The following ZSWIM6 variants were observed in gnomAD, a reference collection of about 807,000 sequenced individuals.
The protein encoded by ZSWIM6 is zinc finger SWIM domain-containing protein 6.
Under a neutral mutation model 113.2 loss-of-function variants are expected in ZSWIM6, and 9 were observed. The observed-to-expected ratio is 0.08, with a 90% confidence interval of 0.05 to 0.14. The LOEUF (loss-of-function observed/expected upper bound fraction) is 0.14, where lower values mean the gene tolerates loss of function less well. Ranked by LOEUF, ZSWIM6 falls within the 10% of genes least tolerant of loss-of-function variation. The probability of loss-of-function intolerance (pLI) is 1.00; values close to 1 mark genes in which losing one functional copy is unlikely to be tolerated. For missense variants in ZSWIM6, 1,162 were observed against 1,552.2 expected, an observed-to-expected ratio of 0.75 and a Z score of 4.22; for synonymous variants, 611 against 606.5, an observed-to-expected ratio of 1.01 and a Z score of -0.11.
intron 4 of ZSWIM6, among the ~76,000 whole-genome samples, chr5:61,513,240 A>G (rs1317144198): frequency 6.6e-6 from 1 of 151,968 alleles, no homozygotes; most frequent in Non-Finnish European, 1.5e-5. Context: ...GCCTTTTCAG[A>G]TTGGATCACT....
chr5:61,494,228 C>T (rs1384616232), intron 3 of ZSWIM6, 32 bp from the exon 4 acceptor site: 2 of 1,542,494 alleles, frequency 1.3e-6, no homozygotes, highest in South Asian at 1.2e-5. Flanking sequence ...TCGTTTTGAA[C>T]AATTTTCTAA....
intron 1 of ZSWIM6, among the ~76,000 whole-genome samples, chr5:61,399,276 G>GA (rs1356017391): frequency 7.6e-6 from 1 of 131,432 alleles, no homozygotes; most frequent in Non-Finnish European, 1.6e-5. Flanking sequence ...TCTATTATTT[G>GA]AAAAATGTGT....
intron 1 of ZSWIM6, among the ~76,000 whole-genome samples, chr5:61,448,739 AG>A (rs1311173937): frequency 1.3e-5 from 2 of 152,164 alleles, no homozygotes; most frequent in Non-Finnish European, 2.9e-5. Context: ...GGGTATGATA[AG>A]AATATGTATT....
At chr5:61,336,771 A>G (rs1334049211) in intron 1 of ZSWIM6, among the ~76,000 whole-genome samples, 2 of 152,214 alleles carry the variant, frequency 1.3e-5, no homozygotes, top group African/African-American at 2.4e-5. Flanking sequence ...GGAAAAAAAA[A>G]TCAAAAAGTT....
intron 1 of ZSWIM6, among the ~76,000 whole-genome samples, chr5:61,433,178 T>G (rs1746621476): frequency 1.3e-5 from 2 of 152,164 alleles, no homozygotes; most frequent in African/African-American, 4.8e-5. Context: ...TTATATGGAG[T>G]ACGTTTGGCT....
chr5:61,453,658 A>G (rs575459730), intron 1 of ZSWIM6, among the ~76,000 whole-genome samples: 7 of 151,892 alleles, frequency 4.6e-5, no homozygotes, highest in Non-Finnish European at 1.0e-4. Context: ...TTACAGGTGT[A>G]AGCCACCACA....
At chr5:61,382,305 G>A (rs531343829) in intron 1 of ZSWIM6, among the ~76,000 whole-genome samples, 1 of 152,308 alleles carries the variant, frequency 6.6e-6, no homozygotes, top group East Asian at 1.9e-4. Flanking sequence ...GAATTGAGTA[G>A]TCTGCTGCCC....
intron 4 of ZSWIM6, among the ~76,000 whole-genome samples, chr5:61,498,444 C>G (rs943057651): frequency 6.6e-6 from 1 of 152,132 alleles, no homozygotes; most frequent in South Asian, 2.1e-4. Flanking sequence ...AGACCTAATT[C>G]TGTGTGAACA....
At chr5:61,528,537 A>G (rs564820187) in intron 7 of ZSWIM6, among the ~76,000 whole-genome samples, 9 of 151,790 alleles carry the variant, frequency 5.9e-5, no homozygotes, top group Non-Finnish European at 1.0e-4. Context: ...GACCTTTTCA[A>G]GGAATCTAGG....
rs377503645 is a variant in ZSWIM6, at chr5:61,490,067, A to T, written c.1034-719A>T. ...ATCTTAGACCTTAAAATACCATTTT[A>T]TTTTATTGGCAAATAATGAAACAAT... On this transcript the variant is annotated intron_variant, in intron 2 of 13. Transcript: ENST00000252744. Among the ~76,000 whole-genome samples, 12 of 152,138 alleles carry T rather than the reference A, an allele frequency of 7.9e-5. No individual in the cohort carries two copies. The East Asian group carries it at 1.5e-3, about 20-fold the overall frequency.
At chr5:61,362,152 C>T (rs1355089184) in intron 1 of ZSWIM6, among the ~76,000 whole-genome samples, 1 of 151,808 alleles carries the variant, frequency 6.6e-6, no homozygotes, top group Admixed American at 6.6e-5. Flanking sequence ...CTTCCTCATT[C>T]ATGCCTTATT....
In ZSWIM6 at chr5:61,332,354, A is replaced by AGCAGCGGCG. The variant is rs1744268484; in HGVS notation, c.84_85insAGCGGCGGC (p.Ser28_Gly29insSerGlyGly). 2 of 1,005,024 alleles carry AGCAGCGGCG rather than the reference A, an allele frequency of 2.0e-6. No individual in the cohort carries two copies. The allele number at this position is 1,005,024 out of a possible 1,614,324, so 62.3% of individuals were successfully genotyped here. On this transcript the variant is annotated inframe_insertion, in exon 1 of 14. Transcript: ENST00000252744. ...CGGCGGCGGCGGCGGCGGGGGCAGC[A>AGCAGCGGCG]GCGGCGGCGGCGGCGGCGCGGGTGG...
At chr5:61,374,593 G>A (rs1579960463) in intron 1 of ZSWIM6, among the ~76,000 whole-genome samples, 1 of 151,928 alleles carries the variant, frequency 6.6e-6, no homozygotes, top group Non-Finnish European at 1.5e-5. Context: ...TCGCTCTGTC[G>A]CCCAGGCTGG....
intron 7 of ZSWIM6, among the ~76,000 whole-genome samples, 173 bp from the exon 8 acceptor site, chr5:61,529,879 T>C (rs1482563838): frequency 6.6e-6 from 1 of 152,212 alleles, no homozygotes; most frequent in East Asian, 1.9e-4. Flanking sequence ...GTTGACAAGT[T>C]GGGGATTATG....
chr5:61,414,255 G>A (rs1746200582), intron 1 of ZSWIM6, among the ~76,000 whole-genome samples: 2 of 151,976 alleles, frequency 1.3e-5, no homozygotes, highest in Non-Finnish European at 2.9e-5. Flanking sequence ...GAGAGAAGTG[G>A]ACATATCAGC....
intron 1 of ZSWIM6, among the ~76,000 whole-genome samples, chr5:61,394,516 G>A (rs1199724669): frequency 6.6e-6 from 1 of 152,194 alleles, no homozygotes; most frequent in Non-Finnish European, 1.5e-5. Flanking sequence ...AGCTGACTCA[G>A]ACCTTTTCCC....
chr5:61,436,165 C>T (rs1225974118), intron 1 of ZSWIM6, among the ~76,000 whole-genome samples: 2 of 148,538 alleles, frequency 1.3e-5, no homozygotes, highest in African/African-American at 5.0e-5. Flanking sequence ...TGCGCCATTG[C>T]ACTTCAGCTT....
chr5:61,478,501 T>A (rs1321173329), intron 2 of ZSWIM6, among the ~76,000 whole-genome samples: 1 of 152,198 alleles, frequency 6.6e-6, no homozygotes, highest in Non-Finnish European at 1.5e-5. Context: ...AAAATGGTCT[T>A]CAGTTTTTTT....
chr5:61,407,113 GA>G (rs1190451761), intron 1 of ZSWIM6, among the ~76,000 whole-genome samples: 1 of 148,404 alleles, frequency 6.7e-6, no homozygotes, highest in Non-Finnish European at 1.5e-5. Context: ...GTTGTCCATG[GA>G]AAACATATCT....
Sources: gnomAD v4.1 joint callset for allele counts (sites outside exome capture counted in the v4.1 genomes callset) on GRCh38, gnomAD v4.1.1 for gene constraint, MANE v1.5 for transcripts, NCBI Gene and HGNC (gene_info 2026-07-23, HGNC 2026-07-21) for gene names.